Variants in SORL1 observed in about 807,000 individuals in gnomAD.
SORL1 encodes sortilin-related receptor.
A neutral mutation model predicts 273.7 loss-of-function variants in SORL1; 127 were observed. That is an observed-to-expected ratio of 0.46 (90% confidence interval 0.40 to 0.54). SORL1 has a LOEUF of 0.54. SORL1 is among the 20% of genes least tolerant of loss of function. The pLI, the probability that SORL1 is intolerant of heterozygous loss-of-function variation, is 0.00. For synonymous variants in SORL1, 1,031 were observed against 1,067.4 expected (o/e 0.97, Z 0.66); for missense variants, 2,494 against 2,846.1 (o/e 0.88, Z 2.81).
In SORL1 at chr11:121,514,296, G is replaced by A. The variant is rs922509162; in HGVS notation, c.1186G>A (p.Gly396Arg). Residue 396 changes from glycine (G) to arginine (R), a missense_variant, in exon 8 of 48, where the codon GGG becomes AGG. This residue lies in a region of SORL1 where 710 missense variants were observed against 882.5 expected (regional missense o/e 0.80). Coordinates refer to ENST00000260197, the MANE Select transcript of SORL1 (RefSeq NM_003105.6). ...GAACGTGCTCTATTACAGCCCAGGAGGGGCCGGCAGTGACACCTTGGTGAG... is the reference window on the plus strand; with the variant it reads ...GAACGTGCTCTATTACAGCCCAGGAAGGGCCGGCAGTGACACCTTGGTGAG... ...LENVLYYSPG[G>R]AGSDTLVRYF... The A allele has an allele frequency of 1.9e-6, 3 of 1,613,916 alleles. No homozygotes were observed. The highest frequency in any genetic ancestry group is 2.7e-5 in the African/African-American group (2 of 74,930).
chr11:121,614,630 TC>T, intron 40 of SORL1: 1 of 428,268 alleles, frequency 2.3e-6, no homozygotes. Context: ...TTGTACCAAC[TC>T]CTATCCGCGG....
chr11:121,628,468 C>G (rs1006505984), intron 47 of SORL1, among the ~76,000 whole-genome samples: 5 of 152,180 alleles, frequency 3.3e-5, no homozygotes. Flanking sequence ...CTGCCCTGAT[C>G]TGACAGGAGG....
At chr11:121,521,716 C>T (rs1225011060) in intron 9 of SORL1, among the ~76,000 whole-genome samples, 1 of 152,186 alleles carries the variant, frequency 6.6e-6, no homozygotes, top group Non-Finnish European at 1.5e-5. Flanking sequence ...CTAATTTGTT[C>T]CAGTTTTCAT....
intron 31 of SORL1, among the ~76,000 whole-genome samples, chr11:121,591,640 A>G (rs919120685): frequency 3.3e-5 from 5 of 152,182 alleles, no homozygotes; most frequent in Non-Finnish European, 7.3e-5. Flanking sequence ...GTCTGTAGTC[A>G]CCATATTGTT....
chr11:121,487,409 G>A (rs1861491371), intron 3 of SORL1, among the ~76,000 whole-genome samples: 1 of 152,228 alleles, frequency 6.6e-6, no homozygotes, highest in Non-Finnish European at 1.5e-5. Flanking sequence ...AAGCTAAGTA[G>A]GATGAGGCCC....
chr11:121,551,408 T>C (rs1862505398), intron 16 of SORL1, among the ~76,000 whole-genome samples: 1 of 152,254 alleles, frequency 6.6e-6, no homozygotes, highest in African/African-American at 2.4e-5. Flanking sequence ...TATAGTGTGT[T>C]CTAAAACACG....
chr11:121,569,561 C>G (rs894241249), intron 22 of SORL1, among the ~76,000 whole-genome samples: 2 of 152,172 alleles, frequency 1.3e-5, no homozygotes, highest in African/African-American at 4.8e-5. Context: ...ATGAAATAAA[C>G]CCCAGTCTCC....
rs531469489 is a variant in SORL1 at position 121,632,014 on chromosome 11, A to G, written c.*2451A>G. The stretch of plus-strand genomic sequence containing the variant: ...AATGAAAACAAATGCCTTGTACTAC[A>G]GGCAGCCTCTGAAGGTGACCACATA... On this transcript the variant is annotated 3_prime_UTR_variant, in exon 48 of 48. Transcript: ENST00000260197. 6.6e-6 allele frequency: 1 copy of G among 152,348 alleles called. No homozygotes were observed. The highest frequency in any genetic ancestry group is 1.5e-5 in the Non-Finnish European group (1 of 68,036). 9.4% of individuals were successfully genotyped at this position (152,348 alleles called of 1,614,324 possible). A position where few individuals can be genotyped will look rare whatever the true frequency, so the allele number is the denominator to read the frequency against.
chr11:121,520,550 G>A, intron 8 of SORL1, 107 bp from the exon 9 acceptor site: 1 of 698,936 alleles, frequency 1.4e-6, no homozygotes, highest in Non-Finnish European at 2.3e-6. Context: ...TTGTGAATGT[G>A]CTTAATGCCA....
rs1591341751 is a variant in SORL1 at position 121,590,159 on chromosome 11, G to A, written c.4198G>A (p.Glu1400Lys). The A allele has an allele frequency of 1.2e-6, 2 of 1,614,166 alleles. No homozygotes were observed. The highest frequency in any genetic ancestry group is 1.7e-6 in the Non-Finnish European group (2 of 1,180,010). ...RENDCGDWSD[E>K]KDCGDSHILP... ...GAACGACTGTGGGGACTGGTCTGAT[G>A]AGAAGGATTGTGGAGGTAAGAGGCC... The change falls in exon 30 of 48, where the codon GAG (glutamate) becomes AAG (lysine). Residue 1400 changes from glutamate (E) to lysine (K), a missense_variant. Transcript: ENST00000260197.
At chr11:121,545,184 G>A (rs983627749) in intron 13 of SORL1, 59 bp from the exon 14 acceptor site, 1 of 1,548,410 alleles carries the variant, frequency 6.5e-7, no homozygotes, top group Non-Finnish European at 8.9e-7. Context: ...TTGAGGCATA[G>A]CAGGAAACCC....
chr11:121,544,712 C>G (rs528953707), intron 13 of SORL1, among the ~76,000 whole-genome samples: 1 of 152,164 alleles, frequency 6.6e-6, no homozygotes, highest in Non-Finnish European at 1.5e-5. Flanking sequence ...TTAGACATTT[C>G]GATGAACGTG....
At chr11:121,492,929 A>C (rs1363663695) in intron 5 of SORL1, among the ~76,000 whole-genome samples, 2 of 150,832 alleles carry the variant, frequency 1.3e-5, no homozygotes, top group African/African-American at 4.9e-5. Context: ...CAGCCTCCTG[A>C]GTAGCTGGGA....
rs369172676 is a variant in SORL1 at position 121,522,912 on chromosome 11, T to G, written c.1523-4T>G. On this transcript the variant is annotated splice_polypyrimidine_tract_variant and splice_region_variant and intron_variant, in intron 10 of 47. Transcript: ENST00000260197. ...TAAAAATAATTATTTCTCTTGCATT[T>G]TAGGCTCAGTGGGAAAGAACTTGGC... The G allele has an allele frequency of 9.3e-6, 15 of 1,610,740 alleles. No homozygotes were observed. The highest frequency in any genetic ancestry group is 5.0e-5 in the Admixed American group (3 of 60,010).
chr11:121,548,413 G>A (rs1862464252), intron 14 of SORL1, among the ~76,000 whole-genome samples: 1 of 152,174 alleles, frequency 6.6e-6, no homozygotes, highest in South Asian at 2.1e-4. Context: ...AATGAAAGAG[G>A]CACATTTGAT....
chr11:121,549,895 A>G, intron 14 of SORL1, 65 bp from the exon 15 acceptor site: 1 of 1,512,830 alleles, frequency 6.6e-7, no homozygotes, highest in Non-Finnish European at 9.0e-7. Context: ...AGTCAGCAGA[A>G]TTGGTACAGG....
chr11:121,508,907 A>G (rs1028610889), intron 6 of SORL1, among the ~76,000 whole-genome samples: 2 of 152,174 alleles, frequency 1.3e-5, no homozygotes, highest in Admixed American at 1.3e-4. Context: ...AATGCTTCCA[A>G]TTAATATTAA....
At chr11:121,512,601 T>G (rs1291674634) in intron 6 of SORL1, among the ~76,000 whole-genome samples, 1 of 152,230 alleles carries the variant, frequency 6.6e-6, no homozygotes, top group Non-Finnish European at 1.5e-5. Flanking sequence ...GTGTGCATGG[T>G]GTGTGGCTGA....
Position 121,466,468 on chromosome 11 carries a change from G to A in SORL1, c.286-3539G>A, listed in dbSNP as rs1032677315. Among the ~76,000 whole-genome samples the A allele has an allele frequency of 5.3e-5, 8 of 152,282 alleles. No individual in the cohort carries two copies. The East Asian group carries it at 1.5e-3, about 29-fold the overall frequency. On this transcript the variant is annotated intron_variant, in intron 1 of 47. Transcript: ENST00000260197. ...CCTGTGGGTTGTTCTTGATTGCTGG[G>A]GTCTGCCCTGGGCTGCTGGTGTCTT...
Sources: gnomAD v4.1 joint callset for allele counts (sites outside exome capture counted in the v4.1 genomes callset) on GRCh38, gnomAD v4.1.1 for gene constraint, gnomAD v4.1.1 regional missense constraint, MANE v1.5 for transcripts, NCBI Gene and HGNC (gene_info 2026-07-23, HGNC 2026-07-21) for gene names.